The following COL28A1 variants were observed in gnomAD, a reference collection of about 807,000 sequenced individuals.
The protein encoded by COL28A1 is collagen alpha-1(XXVIII) chain.
In COL28A1, 161 loss-of-function variants were observed where a neutral mutation model predicts 150.2. The ratio of observed to expected loss-of-function variants is 1.07; its 90% CI spans 0.94 to 1.22. The LOEUF is 1.22. Ranked by LOEUF, COL28A1 falls within the 50% of genes most tolerant of loss-of-function variation. The pLI is 0.00. For synonymous variants in COL28A1, 552 were observed against 469.7 expected (o/e 1.18, Z -2.26); for missense variants, 1,617 against 1,388.3 (o/e 1.16, Z -2.62).
At chr7:7,498,531 G>GTATA (rs1357221983) in intron 11 of COL28A1, among the ~76,000 whole-genome samples, 1 of 152,040 alleles carries the variant, frequency 6.6e-6, no homozygotes, top group African/African-American at 2.4e-5. Flanking sequence ...AAACTTTTGG[G>GTATA]TATAGATACT....
chr7:7,465,344 G>T (rs1035713063), intron 15 of COL28A1, among the ~76,000 whole-genome samples: 1 of 141,848 alleles, frequency 7.0e-6, no homozygotes, highest in African/African-American at 2.7e-5. Flanking sequence ...AAGGGGTGAC[G>T]GACGCACCTG....
intron 8 of COL28A1, 54 bp downstream of exon 8, chr7:7,515,760 T>C (rs1781381015): frequency 4.8e-6 from 4 of 837,948 alleles, no homozygotes; most frequent in Admixed American, 1.8e-5. Flanking sequence ...TACACTTATG[T>C]TTCTGTTTTT....
At chr7:7,493,378 G>A (rs1232779077) in intron 11 of COL28A1, among the ~76,000 whole-genome samples, 1 of 152,080 alleles carries the variant, frequency 6.6e-6, no homozygotes. Context: ...GAAATGTATG[G>A]ATCAGGAGAA....
chr7:7,539,385 C>A (rs1242162326), upstream of COL28A1, among the ~76,000 whole-genome samples: 1 of 151,998 alleles, frequency 6.6e-6, no homozygotes, highest in Non-Finnish European at 1.5e-5. Context: ...GAATCAGCTC[C>A]CCCAGGAACT....
Position 7,531,693 on chromosome 7 carries a change from C to T in COL28A1, c.336G>A (p.Lys112=), listed in dbSNP as rs1782369426. The T allele has an allele frequency of 1.3e-6, 2 of 1,590,912 alleles. No homozygotes were observed. Among genetic ancestry groups the T allele is most frequent in the Non-Finnish European group, 1.7e-6 (2 of 1,158,878 alleles). The change falls in exon 3 of 35, where the codon AAG becomes AAA. Residue 112 remains lysine (K), a synonymous_variant. Coordinates refer to ENST00000399429, the MANE Select transcript of COL28A1 (RefSeq NM_001037763.3). ...VQIDPPFSSW[K]DLQTFKQKVK... ...CCTTCTGCTTAAATGTCTGCAGGTC[C>T]TTCCAGGAAGAAAAAGGTGGATCAA...
At chr7:7,464,458 G>T (rs183857485) in intron 15 of COL28A1, among the ~76,000 whole-genome samples, 16 of 152,228 alleles carry the variant, frequency 1.1e-4, no homozygotes, top group African/African-American at 3.9e-4. Flanking sequence ...ATTATACCAA[G>T]CAGTCTTTCA....
chr7:7,458,775 G>A (rs1358312215), intron 15 of COL28A1, among the ~76,000 whole-genome samples: 3 of 152,156 alleles, frequency 2.0e-5, no homozygotes, highest in Admixed American at 6.5e-5. Flanking sequence ...CCCAGGTCAC[G>A]CAACTGTTAG....
the COL28A1 span, among the ~76,000 whole-genome samples, chr7:7,340,977 T>A: frequency 1.3e-5 from 2 of 152,104 alleles, no homozygotes; most frequent in African/African-American, 4.8e-5. Context: ...CAGGCTAAGG[T>A]CCAAGCCCTT....
intron 19 of COL28A1, 54 bp downstream of exon 19, chr7:7,444,364 T>A (rs1562670058): frequency 3.1e-6 from 5 of 1,608,040 alleles, no homozygotes; most frequent in Non-Finnish European, 4.2e-6. Context: ...AGGACCAAGA[T>A]ATCAGTTTGG....
intron 16 of COL28A1, among the ~76,000 whole-genome samples, chr7:7,455,361 T>C (rs1008827080): frequency 6.6e-6 from 1 of 152,206 alleles, no homozygotes; most frequent in African/African-American, 2.4e-5. Context: ...GAGAGTACTG[T>C]TATACTATCT....
intron 13 of COL28A1, among the ~76,000 whole-genome samples, chr7:7,477,450 C>T (rs1788991216): frequency 6.6e-6 from 1 of 152,158 alleles, no homozygotes; most frequent in South Asian, 2.1e-4. Flanking sequence ...ACCAGATGTG[C>T]ATAGGTTATA....
chr7:7,479,401 A>T (rs1789211887), intron 13 of COL28A1, among the ~76,000 whole-genome samples: 1 of 152,252 alleles, frequency 6.6e-6, no homozygotes, highest in Non-Finnish European at 1.5e-5. Context: ...ATTAAGAAAT[A>T]AATTATCTGA....
chr7:7,451,187 C>T (rs1216958534), intron 18 of COL28A1, among the ~76,000 whole-genome samples: 2 of 151,534 alleles, frequency 1.3e-5, no homozygotes, highest in Non-Finnish European at 2.9e-5. Flanking sequence ...TACATAGGTG[C>T]TCTTTGTATT....
the COL28A1 span, among the ~76,000 whole-genome samples, chr7:7,350,427 G>C: frequency 6.6e-6 from 1 of 152,074 alleles, no homozygotes; most frequent in African/African-American, 2.4e-5. Flanking sequence ...TATAAGGAAA[G>C]CTAAGATAAT....
chr7:7,389,634 G>A (rs971816400), intron 27 of COL28A1, among the ~76,000 whole-genome samples: 1 of 152,202 alleles, frequency 6.6e-6, no homozygotes, highest in Admixed American at 6.5e-5. Context: ...CATGAGCATG[G>A]AGTGCTTTTC....
At chr7:7,472,654 A>C (rs1788534599) in intron 15 of COL28A1, among the ~76,000 whole-genome samples, 1 of 152,228 alleles carries the variant, frequency 6.6e-6, no homozygotes, top group African/African-American at 2.4e-5. Flanking sequence ...ATCATTCTTC[A>C]CAGAATTAGA....
At chr7:7,495,926 A>G (rs1306509864) in intron 11 of COL28A1, among the ~76,000 whole-genome samples, 2 of 152,148 alleles carry the variant, frequency 1.3e-5, no homozygotes, top group Non-Finnish European at 2.9e-5. Flanking sequence ...TCCATCTGTC[A>G]TCAGTCACCT....
At chr7:7,410,280 G>A (rs904046845) in intron 27 of COL28A1, among the ~76,000 whole-genome samples, 4 of 152,080 alleles carry the variant, frequency 2.6e-5, no homozygotes, top group African/African-American at 9.7e-5. Flanking sequence ...GTATAGAGAC[G>A]CTTTCAATGT....
the COL28A1 span, among the ~76,000 whole-genome samples, chr7:7,541,998 C>T: frequency 5.3e-5 from 8 of 151,892 alleles, no homozygotes; most frequent in Non-Finnish European, 1.0e-4. Context: ...TACCATGCTG[C>T]AGGGTTTGGG....
Sources: allele counts gnomAD v4.1 joint callset (sites outside exome capture counted in the v4.1 genomes callset), GRCh38; gene constraint gnomAD v4.1.1; transcripts MANE v1.5; gene names NCBI Gene and HGNC (gene_info 2026-07-23, HGNC 2026-07-21).